SHISAL1: variants seen among roughly 807,000 people sequenced by gnomAD.
The protein encoded by SHISAL1 is shisa like 1.
A neutral mutation model predicts 22.6 loss-of-function variants in SHISAL1; 9 were observed. The ratio of observed to expected loss-of-function variants is 0.40; its 90% CI spans 0.24 to 0.70. The LOEUF is 0.70. Among genes scored for constraint, SHISAL1 ranks in the 30% least tolerant of loss-of-function variants. SHISAL1 has a pLI of 0.39. For missense variants in SHISAL1, 246 were observed against 270.6 expected (o/e 0.91, Z 0.64); for synonymous variants, 119 against 115.4 (o/e 1.03, Z -0.20).
intron 4 of SHISAL1, among the ~76,000 whole-genome samples, chr22:44,272,541 G>A (rs1293129992): frequency 1.3e-5 from 2 of 152,310 alleles, no homozygotes; most frequent in East Asian, 1.9e-4. Flanking sequence ...CAACAAACAC[G>A]GATTGTTCCA....
intron 4 of SHISAL1, among the ~76,000 whole-genome samples, chr22:44,269,505 C>A (rs1203438992): frequency 5.2e-5 from 7 of 135,854 alleles, no homozygotes; most frequent in Admixed American, 1.5e-4. Context: ...CCATGCCACA[C>A]CATGCTGCAG....
At chr22:44,298,991 G>C (rs922158390) in intron 2 of SHISAL1, among the ~76,000 whole-genome samples, 1 of 152,218 alleles carries the variant, frequency 6.6e-6, no homozygotes, top group Non-Finnish European at 1.5e-5. Flanking sequence ...GGGCCATCGT[G>C]ACCTCTCTGG....
upstream of SHISAL1, among the ~76,000 whole-genome samples, chr22:44,317,536 T>C (rs2147317432): frequency 6.6e-6 from 1 of 152,304 alleles, no homozygotes; most frequent in East Asian, 1.9e-4. Flanking sequence ...CCTCCATGCC[T>C]GTGGCCCCAA....
At chr22:44,257,290 C>A (rs1415762394) in intron 4 of SHISAL1, among the ~76,000 whole-genome samples, 1 of 152,190 alleles carries the variant, frequency 6.6e-6, no homozygotes, top group African/African-American at 2.4e-5. Flanking sequence ...GCAGAAGATT[C>A]GGATCACTGA....
At chr22:44,275,373 C>A (rs912631403) in intron 4 of SHISAL1, among the ~76,000 whole-genome samples, 2 of 152,230 alleles carry the variant, frequency 1.3e-5, no homozygotes, top group Non-Finnish European at 2.9e-5. Context: ...TGCCTGGCAG[C>A]CCGCGAAGGG....
At chr22:44,265,225 G>A (rs956524604) in intron 4 of SHISAL1, among the ~76,000 whole-genome samples, 9 of 152,106 alleles carry the variant, frequency 5.9e-5, no homozygotes, top group Admixed American at 2.0e-4. Context: ...CAAGTGGCTC[G>A]CTTGTAACAA....
intron 1 of SHISAL1, among the ~76,000 whole-genome samples, chr22:44,308,566 C>T (rs1031695052): frequency 2.6e-5 from 4 of 152,216 alleles, no homozygotes; most frequent in African/African-American, 9.6e-5. Flanking sequence ...CAGTTCTTCC[C>T]CCGTGATTCT....
At chr22:44,261,000 T>C (rs1452855608) in intron 4 of SHISAL1, among the ~76,000 whole-genome samples, 5 of 151,010 alleles carry the variant, frequency 3.3e-5, no homozygotes, top group South Asian at 2.1e-4. Context: ...CACTGGGGCA[T>C]GCTGAGGGCC....
At position 44,296,903 on chromosome 22, in the gene SHISAL1, C is replaced by T. The variant is rs749152022; in HGVS notation, c.68-18G>A. The T allele has an allele frequency of 1.2e-6, 2 of 1,604,942 alleles. No homozygotes were observed. The highest frequency in any genetic ancestry group is 2.2e-5 in the South Asian group (2 of 90,674). ...AGACAAGACTGGAAGACAGAGTCAC[C>T]AGGCTCAGAGGGGTCCCTCACCAGT... is the stretch of plus-strand genomic sequence containing the variant. On this transcript the variant is annotated intron_variant, in intron 2 of 4. Coordinates refer to ENST00000381176, the MANE Select transcript of SHISAL1 (RefSeq NM_001099294.2).
rs1327275457 is a variant in SHISAL1, at chr22:44,277,418, G to T, written c.599+8010C>A. Among the ~76,000 whole-genome samples the T allele has an allele frequency of 2.0e-5, 3 of 151,494 alleles. No individual in the cohort carries two copies. In the East Asian group the frequency reaches 5.8e-4, roughly 29 times the overall value. On this transcript the variant is annotated intron_variant, in intron 4 of 4. Transcript: ENST00000381176. ...AACCCAGTTCTGTTTGCCTCCAAGA[G>T]CCTTTGCTCCTAACTCAACTACTCT...
intron 4 of SHISAL1, among the ~76,000 whole-genome samples, chr22:44,275,985 C>A (rs1040261913): frequency 1.3e-4 from 20 of 152,330 alleles, no homozygotes; most frequent in African/African-American, 4.8e-4. Flanking sequence ...AGGCCCTGTT[C>A]TATGTGCTGG....
chr22:44,270,113 C>T (rs1374090720), intron 4 of SHISAL1, among the ~76,000 whole-genome samples: 6 of 152,216 alleles, frequency 3.9e-5, no homozygotes, highest in South Asian at 2.1e-4. Flanking sequence ...CTGTCAGCTG[C>T]GTGGCAGTGG....
intron 2 of SHISAL1, 26 bp downstream of exon 2, chr22:44,300,853 G>A (rs370451998): frequency 1.5e-4 from 238 of 1,549,146 alleles, no homozygotes; most frequent in East Asian, 5.2e-4. Context: ...TGCCGCCCCC[G>A]CCCCCAGCAT....
chr22:44,254,428 A>G (rs2055070602), intron 4 of SHISAL1, among the ~76,000 whole-genome samples: 1 of 152,098 alleles, frequency 6.6e-6, no homozygotes, highest in East Asian at 1.9e-4. Flanking sequence ...TGGTGCAATC[A>G]TAGTTCACTG....
intron 4 of SHISAL1, among the ~76,000 whole-genome samples, chr22:44,256,764 A>G (rs541160245): frequency 6.6e-6 from 1 of 151,682 alleles, no homozygotes; most frequent in South Asian, 2.1e-4. Flanking sequence ...TCTACACTCA[A>G]TTAAGATGAA....
At chr22:44,318,659 G>A in the SHISAL1 span, among the ~76,000 whole-genome samples, 2 of 152,364 alleles carry the variant, frequency 1.3e-5, no homozygotes, top group South Asian at 2.1e-4. Flanking sequence ...GAAACTCAGA[G>A]CCCACGCTAG....
At chr22:44,259,497 A>C (rs2055107879) in intron 4 of SHISAL1, among the ~76,000 whole-genome samples, 2 of 151,600 alleles carry the variant, frequency 1.3e-5, no homozygotes, top group African/African-American at 2.4e-5. Flanking sequence ...GAAACAGCCA[A>C]AGCCCAGGGG....
At chr22:44,274,164 T>C (rs1046867978) in intron 4 of SHISAL1, among the ~76,000 whole-genome samples, 4 of 150,478 alleles carry the variant, frequency 2.7e-5, no homozygotes, top group African/African-American at 9.8e-5. Flanking sequence ...GAGAATCACT[T>C]GAACCTGGGA....
chr22:44,285,699 A>G lies in SHISAL1; in HGVS notation c.328T>C (p.Leu110=). ...AAAAGGTCCAGAACCAGCAGCATCA[A>G]CACGAAAAATCCATAGATCCACACT... ...LGVWIYGFFV[L]MLLVLDLLYY... The change falls in exon 4 of 5, where the codon TTG becomes CTG. Residue 110 remains leucine, a synonymous_variant. Coordinates refer to ENST00000381176, the MANE Select transcript of SHISAL1 (RefSeq NM_001099294.2). 3 of 1,614,154 alleles carry G rather than the reference A, an allele frequency of 1.9e-6. No homozygotes were observed. The highest frequency in any genetic ancestry group is 2.5e-6 in the Non-Finnish European group (3 of 1,179,966).
Sources: allele counts gnomAD v4.1 joint callset (sites outside exome capture counted in the v4.1 genomes callset), GRCh38; gene constraint gnomAD v4.1.1; transcripts MANE v1.5; gene names NCBI Gene and HGNC (gene_info 2026-07-23, HGNC 2026-07-21).